The following MAZ variants were observed in gnomAD, a reference collection of about 807,000 sequenced individuals.
MAZ encodes myc-associated zinc finger protein.
A neutral mutation model predicts 32.7 loss-of-function variants in MAZ; 4 were observed. That is an observed-to-expected ratio of 0.12 (90% CI 0.06 to 0.28). The LOEUF (loss-of-function observed/expected upper bound fraction) is 0.28. Among genes scored for constraint, MAZ ranks in the 10% least tolerant of loss-of-function variants. MAZ has a pLI of 1.00. For missense variants in MAZ, 763 were observed against 667.2 expected, an observed-to-expected ratio of 1.14 and a Z score of -1.58; for synonymous variants, 510 against 297.6, an observed-to-expected ratio of 1.71 and a Z score of -7.35.
At chr16:29,806,931 G>A (rs571410983) in intron 1 of MAZ, 38 bp downstream of exon 1, 1 of 1,223,318 alleles carries the variant, frequency 8.2e-7, no homozygotes, top group Non-Finnish European at 1.0e-6. Flanking sequence ...GGCTGGGGGG[G>A]GACGCCCGCC....
rs1453734125 is a variant in MAZ at position 29,810,355 on chromosome 16, G to C, written c.*124G>C. ...CAACCAAGGAGCCTCCAGAAGGAAA[G>C]GAGGAAGAAATGTTTTCTTAGGGGA... On this transcript the variant is annotated 3_prime_UTR_variant, in exon 5 of 5. Coordinates refer to ENST00000322945, the MANE Select transcript of MAZ (RefSeq NM_002383.4). 4.9e-6 allele frequency: 5 copies of C among 1,021,878 alleles called. No individual in the cohort carries two copies. The highest frequency in any genetic ancestry group is 2.0e-5 in the Admixed American group (1 of 50,346). 63.3% of individuals were successfully genotyped at this position (1,021,878 alleles called of 1,614,324 possible).
rs1189153335 is a variant in MAZ, at chr16:29,808,558, C to T, written c.1108-12C>T. The T allele has an allele frequency of 1.2e-6, 2 of 1,602,222 alleles. No individual in the cohort carries two copies. The highest frequency in any genetic ancestry group is 2.2e-5 in the South Asian group (2 of 89,506). On this transcript the variant is annotated splice_polypyrimidine_tract_variant and intron_variant, in intron 3 of 4. Transcript: ENST00000322945. ...TCCTGTGACACCCCCCACGCCCCTC[C>T]CCCCTCCTCAGAAATGTGAGGCAGC...
At position 29,806,794 on chromosome 16, in the gene MAZ, C is replaced by A; in HGVS notation, c.93C>A (p.Phe31Leu). 2.1e-6 allele frequency: 3 copies of A among 1,434,148 alleles called. No homozygotes were observed. Among genetic ancestry groups the A allele is most frequent in the Non-Finnish European group, 2.8e-6 (3 of 1,087,114 alleles). 88.8% of individuals were successfully genotyped at this position (1,434,148 alleles called of 1,614,324 possible). A position where few individuals can be genotyped will look rare whatever the true frequency, so the allele number is the denominator to read the frequency against. ...SRGVGGLMNSFPPPQGHAQNP... is the reference protein window; with the variant it reads ...SRGVGGLMNSLPPPQGHAQNP... ...GGGTGGGCGGCCTCATGAACTCCTTCCCGCCACCTCAGGGTCACGCCCAGA... is the reference window on the plus strand; with the variant it reads ...GGGTGGGCGGCCTCATGAACTCCTTACCGCCACCTCAGGGTCACGCCCAGA... Residue 31 changes from phenylalanine (F) to leucine (L), a missense_variant, in exon 1 of 5, where the codon TTC becomes TTA. Physicochemically the swap from Phe to Leu is conservative, Grantham distance 22. Coordinates refer to ENST00000322945, the MANE Select transcript of MAZ (RefSeq NM_002383.4).
chr16:29,807,287 ACCTCGACGGTCG>A lies in MAZ; in HGVS notation c.505_516del (p.Ser169_Ala172del). On this transcript the variant is annotated inframe_deletion, in exon 2 of 5. Transcript: ENST00000322945. Reference sequence around the variant, plus strand: ...GGCGGCCACCGCCGTCGTAGCCCCAACCTCGACGGTCGCCGTGGCCCCGGTCGCGTCTGCCTT... The same window carrying A: ...GGCGGCCACCGCCGTCGTAGCCCCAACCGTGGCCCCGGTCGCGTCTGCCTT... The A allele has an allele frequency of 6.5e-7, 1 of 1,548,604 alleles. No individual in the cohort carries two copies. The highest frequency in any genetic ancestry group is 8.7e-7 in the Non-Finnish European group (1 of 1,150,764).
intron 3 of MAZ, 121 bp downstream of exon 3, chr16:29,808,414 C>T (rs745534486): frequency 2.7e-4 from 289 of 1,090,250 alleles, no homozygotes; most frequent in Non-Finnish European, 3.8e-4. Context: ...GCTCCATTTT[C>T]TCATCCCTTC....
Position 29,808,458 on chromosome 16 carries a change from C to G in MAZ, c.1108-112C>G. ...CTCATCATGTCACTCCCATTTCCTA[C>G]AGATCAAAGATCCCCAAGGCTCTGA... On this transcript the variant is annotated intron_variant, in intron 3 of 4. Coordinates refer to ENST00000322945, the MANE Select transcript of MAZ (RefSeq NM_002383.4). The G allele has an allele frequency of 4.0e-6, 4 of 1,003,884 alleles. No individual in the cohort carries two copies. In the South Asian group the frequency reaches 5.9e-5, roughly 15 times the overall value. 62.2% of individuals were successfully genotyped at this position (1,003,884 alleles called of 1,614,324 possible).
chr16:29,809,088 C>T (rs1596876725), intron 4 of MAZ: 4 of 520,516 alleles, frequency 7.7e-6, no homozygotes, highest in East Asian at 3.2e-5. Flanking sequence ...GTCTCCAGCT[C>T]CTGGGGCAGG....
In MAZ at chr16:29,807,596, T is replaced by C; in HGVS notation, c.811T>C (p.Ser271Pro). 6.2e-7 allele frequency: 1 copy of C among 1,611,400 alleles called. No individual in the cohort carries two copies. Among genetic ancestry groups the C allele is most frequent in the Non-Finnish European group, 8.5e-7 (1 of 1,179,608 alleles). ...AAGGVVTTTA[S>P]GKRIRKNHAC... ...CGGTGGCGTGGTGACCACGACCGCC[T>C]CGGGGAAGCGCATCCGGAAGAACCA... The change falls in exon 2 of 5, where the codon TCG becomes CCG. Residue 271 changes from serine to proline, a missense_variant. Coordinates refer to ENST00000322945, the MANE Select transcript of MAZ (RefSeq NM_002383.4).
chr16:29,806,886 C>A lies in MAZ; in HGVS notation c.185C>A (p.Pro62Gln), dbSNP rs1474845573. ...GCCTCCCAGGGCTGCGCCCAGAGTCCATTCCAGGTGAGTAGGGCCGGCCGC... is the reference window on the plus strand; with the variant it reads ...GCCTCCCAGGGCTGCGCCCAGAGTCAATTCCAGGTGAGTAGGGCCGGCCGC... ...FFASQGCAQS[P>Q]FQAAPAPPPT... Residue 62 changes from proline to glutamine, a missense_variant, in exon 1 of 5, where the codon CCA becomes CAA. By Grantham distance (76) the Pro-to-Gln change is moderately conservative. Coordinates refer to ENST00000322945, the MANE Select transcript of MAZ (RefSeq NM_002383.4). The A allele has an allele frequency of 1.4e-6, 2 of 1,395,046 alleles. No homozygotes were observed. The highest frequency in any genetic ancestry group is 1.9e-6 in the Non-Finnish European group (2 of 1,062,694). The allele number at this position is 1,395,046 out of a possible 1,614,324, so 86.4% of individuals were successfully genotyped here. A position where few individuals can be genotyped will look rare whatever the true frequency, so the allele number is the denominator to read the frequency against.
At position 29,808,233 on chromosome 16, in the gene MAZ, G is replaced by A. The variant is rs753267502; in HGVS notation, c.1047G>A (p.Pro349=). 3.1e-6 allele frequency: 5 copies of A among 1,613,944 alleles called. No individual in the cohort carries two copies. The highest frequency in any genetic ancestry group is 4.5e-5 in the East Asian group (2 of 44,874). ...CCCAACCCCAACGTGTCCCCAGGCCGGATCACCTCAACAGTCACGTCAGAC... is the reference window on the plus strand; with the variant it reads ...CCCAACCCCAACGTGTCCCCAGGCCAGATCACCTCAACAGTCACGTCAGAC... ...CSHCGKSFSR[P]DHLNSHVRQV... Residue 349 remains proline, a synonymous_variant, in exon 3 of 5, where the codon CCG becomes CCA. Transcript: ENST00000322945.
At position 29,808,725 on chromosome 16, in the gene MAZ, T is replaced by C. The variant is rs1431673334; in HGVS notation, c.1263T>C (p.Cys421=). ...KVHSQGPHHV[C]ELCNKGTGEV... ...ACAGCCAGGGTCCTCACCATGTCTG[T>C]GAGCTCTGCAACAAAGGTACATGCC... Residue 421 remains cysteine, a synonymous_variant, in exon 4 of 5, where the codon TGT becomes TGC. Coordinates refer to ENST00000322945, the MANE Select transcript of MAZ (RefSeq NM_002383.4). 1.2e-6 allele frequency: 2 copies of C among 1,613,666 alleles called. No individual in the cohort carries two copies. The highest frequency in any genetic ancestry group is 1.7e-6 in the Non-Finnish European group (2 of 1,179,958).
rs748787490 is a variant in MAZ at position 29,807,550 on chromosome 16, C to T, written c.765C>T (p.Gly255=). The change falls in exon 2 of 5, where the codon GGC becomes GGT. Residue 255 remains glycine, a synonymous_variant. Transcript: ENST00000322945. The stretch of plus-strand genomic sequence containing the variant: ...GAGGGGGAGAGGCGGGTGCCGGCGG[C>T]GGCGCTGCCGCAGTGGCCGCCGGTG... ...GGGGGEAGAG[G]GAAAVAAGGV... is the part of the protein sequence containing the mutation. 2.5e-6 allele frequency: 4 copies of T among 1,600,560 alleles called. No individual in the cohort carries two copies. Among genetic ancestry groups the T allele is most frequent in the Non-Finnish European group, 2.6e-6 (3 of 1,175,230 alleles).
chr16:29,807,484 G>A lies in MAZ; in HGVS notation c.699G>A (p.Leu233=). 1.2e-6 allele frequency: 2 copies of A among 1,612,172 alleles called. No individual in the cohort carries two copies. Among genetic ancestry groups the A allele is most frequent in the Admixed American group, 1.7e-5 (1 of 59,994 alleles). The stretch of plus-strand genomic sequence containing the variant: ...TGAAGATGCCGACCATGGTGCCCCT[G>A]AGCCTCCTGAGCGTGCCCCAGCTGA... ...GAMKMPTMVP[L]SLLSVPQLSG... is the part of the protein sequence containing the mutation. The change falls in exon 2 of 5, where the codon CTG becomes CTA. Residue 233 remains leucine, a synonymous_variant. Transcript: ENST00000322945.
At position 29,806,676 on chromosome 16, in the gene MAZ, C is replaced by CTGGGGG; in HGVS notation, c.-26_-25insTGGGGG. On this transcript the variant is annotated 5_prime_UTR_variant, in exon 1 of 5. Transcript: ENST00000322945. The stretch of plus-strand genomic sequence containing the variant: ...CCGCGCCCCCGGCCCCCGCTGAGCC[C>CTGGGGG]CGGGGGCCCCGCTGCGGCCGAGGCC... 4 of 1,099,730 alleles carry CTGGGGG rather than the reference C, an allele frequency of 3.6e-6. 1 individual carries two copies. The highest frequency in any genetic ancestry group is 1.7e-5 in the African/African-American group (1 of 58,122). The allele number at this position is 1,099,730 out of a possible 1,614,324, so 68.1% of individuals were successfully genotyped here.
In MAZ at chr16:29,807,349, G is replaced by A. The variant is rs947634750; in HGVS notation, c.564G>A (p.Gly188=). Residue 188 remains glycine, a synonymous_variant, in exon 2 of 5, where the codon GGG becomes GGA. Transcript: ENST00000322945. ...SALEKKTKSK[G]PYICALCAKE... Reference sequence around the variant, plus strand: ...TGGAGAAGAAGACAAAGAGCAAGGGGCCCTACATCTGCGCTCTGTGCGCCA... The same window carrying A: ...TGGAGAAGAAGACAAAGAGCAAGGGACCCTACATCTGCGCTCTGTGCGCCA... The A allele has an allele frequency of 2.5e-5, 41 of 1,611,998 alleles. No homozygotes were observed. Among genetic ancestry groups the A allele is most frequent in the Middle Eastern group, 1.7e-4 (1 of 6,058 alleles).
chr16:29,807,414 C>T lies in MAZ; in HGVS notation c.629C>T (p.Ala210Val), dbSNP rs1041454623. ...GGCTACAATCTCCGGAGGCACGAAG[C>T]CATCCACACGGGAGCCAAGGCCGGC... ...KNGYNLRRHEAIHTGAKAGRV... is the reference protein window; with the variant it reads ...KNGYNLRRHEVIHTGAKAGRV... The change falls in exon 2 of 5, where the codon GCC becomes GTC. Residue 210 changes from alanine (A) to valine (V), a missense_variant. Physicochemically the swap from Ala to Val is moderately conservative, Grantham distance 64 (BLOSUM62 0). Transcript: ENST00000322945. The T allele has an allele frequency of 1.9e-6, 3 of 1,612,430 alleles. No individual in the cohort carries two copies. Among genetic ancestry groups the T allele is most frequent in the Non-Finnish European group, 2.5e-6 (3 of 1,179,750 alleles).
chr16:29,810,143 T>C lies in MAZ; in HGVS notation c.1346T>C (p.Val449Ala), dbSNP rs780618980. The C allele has an allele frequency of 2.3e-5, 37 of 1,603,842 alleles. No individual in the cohort carries two copies. Among genetic ancestry groups the C allele is most frequent in the Middle Eastern group, 1.7e-4 (1 of 5,768 alleles). The change falls in exon 5 of 5, where the codon GTA becomes GCA. Residue 449 changes from valine to alanine, a missense_variant. By Grantham distance (64) the Val-to-Ala change is moderately conservative. Coordinates refer to ENST00000322945, the MANE Select transcript of MAZ (RefSeq NM_002383.4). ...AAAAAAAAAA[V>A]AAPPTAVGSL... ...GCGGCAGCGGCAGCAGCGGCAGCAG[T>C]AGCAGCCCCTCCCACAGCTGTGGGC...
Position 29,806,665 on chromosome 16 carries a change from C to G in MAZ, c.-37C>G. ...CCCCGCGCGGCCCGCGCCCCCGGCCCCCGCTGAGCCCCGGGGGCCCCGCTG... is the reference window on the plus strand; with the variant it reads ...CCCCGCGCGGCCCGCGCCCCCGGCCGCCGCTGAGCCCCGGGGGCCCCGCTG... On this transcript the variant is annotated 5_prime_UTR_variant, in exon 1 of 5. Transcript: ENST00000322945. 7.8e-6 allele frequency: 8 copies of G among 1,026,960 alleles called. No homozygotes were observed. Among genetic ancestry groups the G allele is most frequent in the Non-Finnish European group, 9.4e-6 (8 of 854,028 alleles). The allele number at this position is 1,026,960 out of a possible 1,614,324, so 63.6% of individuals were successfully genotyped here. A position where few individuals can be genotyped will look rare whatever the true frequency, so the allele number is the denominator to read the frequency against.
In MAZ at chr16:29,810,120, G is replaced by GGCAGCGGCAGCGGCGGCAGCGGCA; in HGVS notation, c.1334_1335insGGCGGCAGCGGCAGCAGCGGCAGC (p.Ala441_Ala448dup). 1 of 1,598,240 alleles carries GGCAGCGGCAGCGGCGGCAGCGGCA rather than the reference G, an allele frequency of 6.3e-7. No homozygotes were observed. Among genetic ancestry groups the GGCAGCGGCAGCGGCGGCAGCGGCA allele is most frequent in the East Asian group, 2.2e-5 (1 of 44,504 alleles). ...CAATGGCGGCGGCAGCGGCAGCGGC[G>GGCAGCGGCAGCGGCGGCAGCGGCA]GCAGCGGCAGCAGCGGCAGCAGTAG... On this transcript the variant is annotated inframe_insertion, in exon 5 of 5. Transcript: ENST00000322945.
Sources: allele counts gnomAD v4.1 joint callset, GRCh38; gene constraint gnomAD v4.1.1; transcripts MANE v1.5; gene names NCBI Gene and HGNC (gene_info 2026-07-23, HGNC 2026-07-21).